Variants in TRIM37 observed in about 807,000 individuals in gnomAD.
TRIM37 encodes tripartite motif containing 37.
Under a neutral mutation model 129.8 loss-of-function variants are expected in TRIM37, and 80 were observed. The ratio of observed to expected loss-of-function variants is 0.62; its 90% CI spans 0.51 to 0.74. The LOEUF (loss-of-function observed/expected upper bound fraction) is 0.74, where lower values mean the gene tolerates loss of function less well. Among genes scored for constraint, TRIM37 ranks in the 30% least tolerant of loss-of-function variants. TRIM37 has a pLI of 0.00. For synonymous variants in TRIM37, 389 were observed against 387.1 expected (o/e 1.00, Z -0.06); for missense variants, 1,054 against 1,176.5 (o/e 0.90, Z 1.52).
intron 16 of TRIM37, among the ~76,000 whole-genome samples, chr17:59,047,156 A>C (rs951731102): frequency 1.3e-5 from 2 of 152,092 alleles, no homozygotes; most frequent in Admixed American, 6.5e-5. Context: ...CCGTCTCAAA[A>C]AAAAAGGAAA....
At chr17:59,054,827 G>T (rs536174520) in intron 13 of TRIM37, among the ~76,000 whole-genome samples, 1 of 151,032 alleles carries the variant, frequency 6.6e-6, no homozygotes, top group South Asian at 2.1e-4. Flanking sequence ...ACCACAGCCC[G>T]GCTAATTTTT....
At chr17:58,988,376 C>A in intron 24 of TRIM37, among the ~76,000 whole-genome samples, 1 of 152,118 alleles carries the variant, frequency 6.6e-6, no homozygotes, top group East Asian at 1.9e-4. Context: ...TTTCTCTCAT[C>A]TCACAGAACA....
chr17:59,021,319 C>T (rs1247599702), intron 19 of TRIM37, among the ~76,000 whole-genome samples: 2 of 152,036 alleles, frequency 1.3e-5, no homozygotes, highest in Non-Finnish European at 2.9e-5. Context: ...GACTTGAATC[C>T]AGGAGGCAGA....
intron 16 of TRIM37, among the ~76,000 whole-genome samples, chr17:59,044,897 A>G (rs748746090): frequency 2.0e-5 from 3 of 152,084 alleles, no homozygotes; most frequent in Non-Finnish European, 4.4e-5. Context: ...GCCGAGTGTG[A>G]TGATGCACAC....
In TRIM37 at chr17:59,049,340, T is replaced by C. The variant is rs911299987; in HGVS notation, c.1368A>G (p.Pro456=). Residue 456 remains proline, a synonymous_variant, in exon 15 of 24, where the codon CCA becomes CCG. Coordinates refer to ENST00000262294, the MANE Select transcript of TRIM37 (RefSeq NM_015294.6). ...CATTTTGGGGGCTAAGATGGTTATC[T>C]GGTGGTGACAAATCTCTTGACTTCT... ...RTQKSRDLSP[P]DNHLSPQNDD... is the part of the protein sequence containing the mutation. The C allele has an allele frequency of 3.1e-5, 50 of 1,614,078 alleles. No homozygotes were observed. Among genetic ancestry groups the C allele is most frequent in the African/African-American group, 4.0e-5 (3 of 74,920 alleles).
exon 25 of TRIM37, chr17:58,982,737 TTTC>T (rs1013954150): frequency 1.3e-5 from 7 of 544,906 alleles, no homozygotes; most frequent in Non-Finnish European, 2.3e-5. Flanking sequence ...TTTGAAGTCA[TTTC>T]TTCTTCTCAC....
intron 7 of TRIM37, among the ~76,000 whole-genome samples, chr17:59,077,740 G>A (rs1298833155): frequency 7.0e-6 from 1 of 143,766 alleles, no homozygotes; most frequent in African/African-American, 2.6e-5. Flanking sequence ...AACCTGGGAA[G>A]CAGAGGTTGC....
intron 13 of TRIM37, among the ~76,000 whole-genome samples, chr17:59,053,666 T>C (rs944681032): frequency 1.3e-5 from 2 of 152,324 alleles, no homozygotes; most frequent in East Asian, 3.9e-4. Flanking sequence ...TATAGGTTGG[T>C]AAAATTGATG....
At chr17:59,030,387 G>A (rs550887214) in intron 18 of TRIM37, among the ~76,000 whole-genome samples, 28 of 152,290 alleles carry the variant, frequency 1.8e-4, no homozygotes, top group South Asian at 6.2e-4. Context: ...GATTACAGGC[G>A]TGAGCCACTG....
intron 15 of TRIM37, among the ~76,000 whole-genome samples, chr17:59,048,542 A>G (rs1185523512): frequency 1.3e-5 from 2 of 152,212 alleles, no homozygotes; most frequent in African/African-American, 4.8e-5. Context: ...CAGTCTACCT[A>G]CGTAAGTAAT....
At chr17:59,052,938 G>C (rs2040487158) in intron 13 of TRIM37, among the ~76,000 whole-genome samples, 1 of 149,836 alleles carries the variant, frequency 6.7e-6, no homozygotes, top group South Asian at 2.1e-4. Flanking sequence ...CTGGGCAACA[G>C]AGCGAAACTC....
intron 7 of TRIM37, among the ~76,000 whole-genome samples, chr17:59,078,501 C>G (rs905424799): frequency 1.3e-5 from 2 of 151,982 alleles, no homozygotes; most frequent in African/African-American, 4.8e-5. Context: ...AAAACAAGAC[C>G]ACATGCAAAT....
At chr17:59,051,966 GT>G (rs1568101469) in intron 13 of TRIM37, among the ~76,000 whole-genome samples, 1 of 151,838 alleles carries the variant, frequency 6.6e-6, no homozygotes, top group Non-Finnish European at 1.5e-5. Context: ...TCACGTTCCC[GT>G]ATTTCCTGCC....
At chr17:59,018,743 T>A (rs1385087485) in intron 19 of TRIM37, among the ~76,000 whole-genome samples, 2 of 151,078 alleles carry the variant, frequency 1.3e-5, no homozygotes, top group Non-Finnish European at 1.5e-5. Flanking sequence ...TTTGCAGAAA[T>A]TGACAAGCTA....
intron 16 of TRIM37, among the ~76,000 whole-genome samples, chr17:59,045,332 TA>T (rs564631461): frequency 3.2e-5 from 4 of 124,846 alleles, no homozygotes; most frequent in Admixed American, 1.6e-4. Context: ...CCGTTTCAAA[TA>T]AAAAAAAAAG....
intron 21 of TRIM37, 63 bp downstream of exon 21, chr17:59,015,543 ATACT>A (rs775839541): frequency 2.2e-4 from 323 of 1,457,730 alleles, no homozygotes; most frequent in Middle Eastern, 6.6e-4. Context: ...ATCATGATGC[ATACT>A]TAAAGTTCCA....
At chr17:58,980,247 T>G, downstream of TRIM37, 1 of 1,614,142 alleles carries the variant, frequency 6.2e-7, no homozygotes, top group Non-Finnish European at 8.5e-7. The surrounding 1 kb of genome is among the most constrained non-coding windows in gnomAD (Gnocchi z 4.7). Flanking sequence ...AACAAAGCTG[T>G]AAATGTTAGT....
At chr17:59,069,095 C>T (rs111361863) in intron 9 of TRIM37, among the ~76,000 whole-genome samples, 3 of 152,172 alleles carry the variant, frequency 2.0e-5, no homozygotes, top group African/African-American at 7.2e-5. Flanking sequence ...ACCTATAATC[C>T]CAGCACTTTG....
chr17:59,023,732 A>G (rs1308133887), intron 19 of TRIM37, among the ~76,000 whole-genome samples: 2 of 152,106 alleles, frequency 1.3e-5, no homozygotes, highest in African/African-American at 4.8e-5. Flanking sequence ...AAAAAAACTA[A>G]AGGAATTCCT....
Sources: allele counts gnomAD v4.1 joint callset (sites outside exome capture counted in the v4.1 genomes callset), GRCh38; gene constraint gnomAD v4.1.1; non-coding constraint Gnocchi (gnomAD v3.1); transcripts MANE v1.5; gene names NCBI Gene and HGNC (gene_info 2026-07-23, HGNC 2026-07-21).